Variants in MAP3K19 observed in about 807,000 individuals in gnomAD.
The protein encoded by MAP3K19 is mitogen-activated protein kinase kinase kinase 19.
A neutral mutation model predicts 114.4 loss-of-function variants in MAP3K19; 91 were observed. The observed-to-expected ratio is 0.80, with a 90% confidence interval of 0.67 to 0.95. The LOEUF is 0.95. Among genes scored for constraint, MAP3K19 ranks in the 40% least tolerant of loss-of-function variants. MAP3K19 has a pLI of 0.00. For missense variants in MAP3K19, 1,471 were observed against 1,573.2 expected (o/e 0.94, Z 1.10); for synonymous variants, 518 against 530.5 (o/e 0.98, Z 0.32).
intron 5 of MAP3K19, among the ~76,000 whole-genome samples, chr2:135,014,205 T>G (rs191085223): frequency 1.3e-5 from 2 of 152,068 alleles, no homozygotes; most frequent in East Asian, 3.9e-4. Flanking sequence ...AATGCAAAAA[T>G]TAGCGGAGCC....
intron 8 of MAP3K19, among the ~76,000 whole-genome samples, chr2:134,997,293 T>C (rs1686068259): frequency 6.6e-6 from 1 of 152,112 alleles, no homozygotes; most frequent in Non-Finnish European, 1.5e-5. Flanking sequence ...GTCAAATTCG[T>C]ATTGAGACAG....
chr2:134,968,798 T>C lies in MAP3K19; in HGVS notation c.3921-3882A>G, dbSNP rs1012070676. On this transcript the variant is annotated intron_variant, in intron 12 of 12. Coordinates refer to ENST00000392915, the MANE Select transcript of MAP3K19 (RefSeq NM_025052.5). ...CTCACCTCCTAGATGTGATGGCGGC[T>C]GGGAAGAGGCGCTCCTCACTTCCTA... 3.4e-3 allele frequency among the ~76,000 whole-genome samples: 494 copies of C among 146,740 alleles called. 4 individuals carry two copies. Among genetic ancestry groups the C allele is most frequent in the African/African-American group, 0.012 (464 of 38,910 alleles).
At chr2:134,979,048 A>G (rs1573927913) in intron 12 of MAP3K19, among the ~76,000 whole-genome samples, 1 of 152,296 alleles carries the variant, frequency 6.6e-6, no homozygotes, top group Non-Finnish European at 1.5e-5. Context: ...TCCCTAGTCT[A>G]TGCCTGATTA....
chr2:135,025,665 C>T (rs555673393), intron 3 of MAP3K19, among the ~76,000 whole-genome samples: 11 of 151,962 alleles, frequency 7.2e-5, no homozygotes, highest in African/African-American at 2.7e-4. Context: ...GGATTACAGG[C>T]GTGAGCCACC....
intron 8 of MAP3K19, among the ~76,000 whole-genome samples, chr2:134,997,469 C>G (rs1333188273): frequency 6.6e-6 from 1 of 152,092 alleles, no homozygotes; most frequent in Non-Finnish European, 1.5e-5. Flanking sequence ...GAACTGTACA[C>G]TTGAAAATGA....
rs766577656 is a variant in MAP3K19, at chr2:134,981,195, C to T, written c.3546G>A (p.Val1182=). Residue 1182 remains valine, a synonymous_variant, in exon 12 of 13, where the codon GTG becomes GTA. Coordinates refer to ENST00000392915, the MANE Select transcript of MAP3K19 (RefSeq NM_025052.5). ...TATTTCCTTTGATATCGCGATGTAC[C>T]ACACAGTTCTCATGGAGATAAGCAA... ...QGVAYLHENC[V]VHRDIKGNNV... The T allele has an allele frequency of 6.2e-7, 1 of 1,614,104 alleles. No homozygotes were observed. Among genetic ancestry groups the T allele is most frequent in the South Asian group, 1.1e-5 (1 of 91,084 alleles).
At chr2:134,976,861 A>G (rs1220575071) in intron 12 of MAP3K19, among the ~76,000 whole-genome samples, 2 of 151,864 alleles carry the variant, frequency 1.3e-5, no homozygotes, top group Non-Finnish European at 2.9e-5. Flanking sequence ...CCTGGCCAAC[A>G]TGGTGAAACC....
intron 12 of MAP3K19, among the ~76,000 whole-genome samples, chr2:134,977,673 T>A (rs905856014): frequency 6.6e-6 from 1 of 152,062 alleles, no homozygotes; most frequent in Non-Finnish European, 1.5e-5. Context: ...ATTTTTAAAT[T>A]TTTTGTAGAA....
Position 134,999,887 on chromosome 2 carries a change from A to G in MAP3K19, c.314+50T>C. On this transcript the variant is annotated intron_variant, in intron 7 of 12. Transcript: ENST00000392915. The surrounding 1 kb of genome is among the most constrained non-coding windows in gnomAD (Gnocchi z 4.1). Reference sequence around the variant, plus strand: ...TAATGTAGGTTGCCATATGACTATCATTGCTTCATACTTCATTTCAAATCT... The same window carrying G: ...TAATGTAGGTTGCCATATGACTATCGTTGCTTCATACTTCATTTCAAATCT... The G allele has an allele frequency of 1.6e-6, 2 of 1,227,536 alleles. No homozygotes were observed. Among genetic ancestry groups the G allele is most frequent in the Admixed American group, 1.7e-5 (1 of 59,112 alleles). 76.0% of individuals were successfully genotyped at this position (1,227,536 alleles called of 1,614,324 possible). A position where few individuals can be genotyped will look rare whatever the true frequency, so the allele number is the denominator to read the frequency against.
chr2:134,986,672 G>T lies in MAP3K19; in HGVS notation c.2200C>A (p.Gln734Lys). The change falls in exon 10 of 13, where the codon CAA (glutamine) becomes AAA (lysine). Residue 734 changes from glutamine to lysine, a missense_variant. By Grantham distance (53) the Gln-to-Lys change is moderately conservative. Coordinates refer to ENST00000392915, the MANE Select transcript of MAP3K19 (RefSeq NM_025052.5). ...TTAGAAATTAAGACTTTGTGCTCTT[G>T]TTTAATGCCAAATGAAGTCTTTGGG... is the stretch of plus-strand genomic sequence containing the variant. Reference protein sequence around the residue: ...KCPKTSFGIKQEHKVLISKEK... With the variant: ...KCPKTSFGIKKEHKVLISKEK... The T allele has an allele frequency of 6.2e-7, 1 of 1,614,130 alleles. No individual in the cohort carries two copies. Among genetic ancestry groups the T allele is most frequent in the Non-Finnish European group, 8.5e-7 (1 of 1,180,028 alleles).
At chr2:135,038,201 A>G (rs1388520088) in intron 2 of MAP3K19, among the ~76,000 whole-genome samples, 2 of 152,148 alleles carry the variant, frequency 1.3e-5, no homozygotes, top group East Asian at 3.9e-4. Context: ...TCTGGAGACC[A>G]CCCAGATGTC....
At chr2:134,979,758 C>A (rs1402492742) in intron 12 of MAP3K19, among the ~76,000 whole-genome samples, 2 of 150,624 alleles carry the variant, frequency 1.3e-5, no homozygotes, top group Non-Finnish European at 2.9e-5. Context: ...AAAACTGTAC[C>A]CCTGGAGTGG....
chr2:135,043,378 GTTTCC>G lies in MAP3K19; in HGVS notation c.-423-2881_-423-2877del, dbSNP rs778535700. Among the ~76,000 whole-genome samples the G allele has an allele frequency of 3.3e-5, 5 of 152,232 alleles. No homozygotes were observed. In the South Asian group the frequency reaches 1.0e-3, roughly 32 times the overall value. On this transcript the variant is annotated intron_variant, in intron 1 of 12. Transcript: ENST00000392915. Reference sequence around the variant, plus strand: ...CATTTCCTTGTTATAAAGATTCCAAGTTTCCTTTAGTAGATCTGGGATGAGCCTGG... The same window carrying G: ...CATTTCCTTGTTATAAAGATTCCAAGTTTAGTAGATCTGGGATGAGCCTGG...
chr2:134,969,391 G>A (rs1376327128), intron 12 of MAP3K19, among the ~76,000 whole-genome samples: 1 of 151,960 alleles, frequency 6.6e-6, no homozygotes, highest in Admixed American at 6.5e-5. Context: ...AGAGGGAGAG[G>A]GAAAGGGAGA....
At chr2:135,027,395 AG>A (rs1373581613) in intron 3 of MAP3K19, among the ~76,000 whole-genome samples, 2 of 132,780 alleles carry the variant, frequency 1.5e-5, no homozygotes, top group African/African-American at 6.8e-5. Flanking sequence ...AAAGAAAGAA[AG>A]AAAAGAAAGA....
rs368565828 is a variant in MAP3K19 at position 135,008,746 on chromosome 2, ATTG to A, written c.139-3218_139-3216del. On this transcript the variant is annotated intron_variant, in intron 5 of 12. Coordinates refer to ENST00000392915, the MANE Select transcript of MAP3K19 (RefSeq NM_025052.5). ...TCATTTAATTAATTAATTAATTATTATTGTTTTCCCTTCTTTTCACAGGTGTTT... is the reference window on the plus strand; with the variant it reads ...TCATTTAATTAATTAATTAATTATTATTTTCCCTTCTTTTCACAGGTGTTT... Among the ~76,000 whole-genome samples, 5 of 151,910 alleles carry A rather than the reference ATTG, an allele frequency of 3.3e-5. No individual in the cohort carries two copies. The East Asian group carries it at 9.7e-4, about 29-fold the overall frequency.
chr2:135,040,921 C>T lies in MAP3K19; in HGVS notation c.-423-419G>A, dbSNP rs1326768695. Among the ~76,000 whole-genome samples the T allele has an allele frequency of 3.3e-5, 5 of 152,144 alleles. No homozygotes were observed. In the South Asian group the frequency reaches 1.0e-3, roughly 32 times the overall value. ...CAACTGTGTGACCACGACCATATGG[C>T]TTATCTCTGGGCTGCATTTACTTAT... On this transcript the variant is annotated intron_variant, in intron 1 of 12. Coordinates refer to ENST00000392915, the MANE Select transcript of MAP3K19 (RefSeq NM_025052.5).
At chr2:135,039,305 A>C (rs1688599601) in intron 2 of MAP3K19, among the ~76,000 whole-genome samples, 1 of 152,102 alleles carries the variant, frequency 6.6e-6, no homozygotes, top group South Asian at 2.1e-4. Flanking sequence ...AGAACTGGCC[A>C]GGTGCAGTGG....
In MAP3K19 at chr2:134,983,776, A is replaced by G. The variant is rs1190138790; in HGVS notation, c.3122T>C (p.Ile1041Thr). Residue 1041 changes from isoleucine (I) to threonine (T), a missense_variant, in exon 11 of 13, where the codon ATC becomes ACC. Physicochemically the swap from Ile to Thr is moderately conservative, Grantham distance 89. Transcript: ENST00000392915. ...RIYDREEKFL[I>T]SNEKKIFSEN... ...AGAAAATATCTTCTTTTCATTTGAGATGAGAAATTTCTCCTCCCTGTCATA... is the reference window on the plus strand; with the variant it reads ...AGAAAATATCTTCTTTTCATTTGAGGTGAGAAATTTCTCCTCCCTGTCATA... The G allele has an allele frequency of 6.2e-7, 1 of 1,606,498 alleles. No individual in the cohort carries two copies. Among genetic ancestry groups the G allele is most frequent in the South Asian group, 1.1e-5 (1 of 90,048 alleles).
Sources: allele counts gnomAD v4.1 joint callset (sites outside exome capture counted in the v4.1 genomes callset), GRCh38; gene constraint gnomAD v4.1.1; non-coding constraint Gnocchi (gnomAD v3.1); transcripts MANE v1.5; gene names NCBI Gene and HGNC (gene_info 2026-07-23, HGNC 2026-07-21).